The following TMEM163 variants were observed in gnomAD, a reference collection of about 807,000 sequenced individuals.
TMEM163 encodes the protein transmembrane protein 163.
Under a neutral mutation model 29.3 loss-of-function variants are expected in TMEM163, and 17 were observed. The observed-to-expected ratio is 0.58, with a 90% CI of 0.40 to 0.87. The LOEUF (loss-of-function observed/expected upper bound fraction) is 0.87. Ranked by LOEUF, TMEM163 falls within the 40% of genes least tolerant of loss-of-function variation. The probability of loss-of-function intolerance (pLI) is 0.00; values close to 1 mark genes in which losing one functional copy is unlikely to be tolerated. For synonymous variants in TMEM163, 157 were observed against 160.6 expected (o/e 0.98, Z 0.17); for missense variants, 303 against 381.5 (o/e 0.79, Z 1.71).
At chr2:134,574,512 A>G (rs1388655420) in intron 2 of TMEM163, among the ~76,000 whole-genome samples, 1 of 152,140 alleles carries the variant, frequency 6.6e-6, no homozygotes, top group Non-Finnish European at 1.5e-5. Flanking sequence ...GTGAGCCAAG[A>G]TCGCGCCACT....
intron 2 of TMEM163, among the ~76,000 whole-genome samples, chr2:134,649,438 G>T (rs1574308677): frequency 6.6e-6 from 1 of 152,290 alleles, no homozygotes; most frequent in East Asian, 1.9e-4. Flanking sequence ...AAACAATAGT[G>T]CAATGTAGCC....
rs796657193 is a variant in TMEM163, at chr2:134,535,725, T to TG, written c.458+14844_458+14845insC. 4.6e-3 allele frequency among the ~76,000 whole-genome samples: 667 copies of TG among 145,986 alleles called. 17 individuals are homozygous for TG. Among genetic ancestry groups the TG allele is most frequent in the African/African-American group, 0.017 (647 of 37,146 alleles). The stretch of plus-strand genomic sequence containing the variant: ...ATTTACTTATTTGTATGGTTTTTTT[T>TG]TTTGTTTGTTTGTTTTTTTTGAGGC... On this transcript the variant is annotated intron_variant, in intron 4 of 7. Coordinates refer to ENST00000281924, the MANE Select transcript of TMEM163 (RefSeq NM_030923.5).
At chr2:134,693,344 T>C (rs1254197077) in intron 2 of TMEM163, among the ~76,000 whole-genome samples, 2 of 152,180 alleles carry the variant, frequency 1.3e-5, no homozygotes, top group Non-Finnish European at 2.9e-5. Flanking sequence ...TGGTGGCTCA[T>C]GCCTGTAATC....
intron 2 of TMEM163, among the ~76,000 whole-genome samples, chr2:134,660,044 G>A (rs1285805707): frequency 2.6e-5 from 4 of 152,154 alleles, no homozygotes; most frequent in Non-Finnish European, 2.9e-5. Context: ...GAGGGAAGGA[G>A]CCAGCCTTGC....
intron 5 of TMEM163, among the ~76,000 whole-genome samples, chr2:134,475,485 T>A (rs766297690): frequency 6.6e-6 from 1 of 152,154 alleles, no homozygotes; most frequent in Admixed American, 6.5e-5. Flanking sequence ...TTAAGAAAAC[T>A]GTGATTAATT....
chr2:134,495,944 C>G (rs936138180), intron 5 of TMEM163, among the ~76,000 whole-genome samples: 2 of 152,208 alleles, frequency 1.3e-5, no homozygotes, highest in African/African-American at 4.8e-5. Context: ...GCCATTGCCC[C>G]CTGGAAGCTC....
At chr2:134,615,726 G>A (rs559364649) in intron 2 of TMEM163, among the ~76,000 whole-genome samples, 4 of 145,816 alleles carry the variant, frequency 2.7e-5, no homozygotes, top group South Asian at 4.3e-4. Context: ...GCGCAATCTC[G>A]GCTCACTGCA....
intron 2 of TMEM163, among the ~76,000 whole-genome samples, chr2:134,591,408 T>G (rs549818926): frequency 1.1e-4 from 17 of 152,262 alleles, no homozygotes; most frequent in African/African-American, 3.9e-4. Context: ...TGGGTGAAAT[T>G]TGGCTGGCTT....
chr2:134,706,969 T>C lies in TMEM163; in HGVS notation c.322+6231A>G, dbSNP rs1342538337. Among the ~76,000 whole-genome samples the C allele has an allele frequency of 1.3e-5, 2 of 152,114 alleles. 1 individual carries two copies. The highest frequency in any genetic ancestry group is 3.9e-4 in the East Asian group (2 of 5,186). ...GGCAGGGAGAGTTGTCGGAGCAAGG[T>C]TCCCAAACCGCTGGTCTGCCTGTTC... On this transcript the variant is annotated intron_variant, in intron 2 of 7. Coordinates refer to ENST00000281924, the MANE Select transcript of TMEM163 (RefSeq NM_030923.5).
At chr2:134,680,833 C>A (rs1416613611) in intron 2 of TMEM163, among the ~76,000 whole-genome samples, 1 of 152,136 alleles carries the variant, frequency 6.6e-6, no homozygotes, top group South Asian at 2.1e-4. Context: ...CAGCTGTGAT[C>A]GTGGGCAAGT....
At chr2:134,462,114 G>T (rs1232894835) in intron 6 of TMEM163, among the ~76,000 whole-genome samples, 2 of 152,052 alleles carry the variant, frequency 1.3e-5, no homozygotes, top group Non-Finnish European at 2.9e-5. Flanking sequence ...AGAGCACAGG[G>T]CCCCCTGGGA....
intron 2 of TMEM163, among the ~76,000 whole-genome samples, chr2:134,604,560 A>C (rs367950362): frequency 1.3e-5 from 2 of 151,030 alleles, no homozygotes; most frequent in South Asian, 2.1e-4. Context: ...AGTTCTGGAG[A>C]GAGGAGAAGA....
chr2:134,607,115 C>T (rs1682393858), intron 2 of TMEM163, among the ~76,000 whole-genome samples: 1 of 132,704 alleles, frequency 7.5e-6, no homozygotes, highest in Admixed American at 7.1e-5. Flanking sequence ...GGACAGACCC[C>T]GAGAACTGTG....
intron 6 of TMEM163, among the ~76,000 whole-genome samples, chr2:134,463,866 G>C (rs1686604601): frequency 6.6e-6 from 1 of 152,204 alleles, no homozygotes; most frequent in Non-Finnish European, 1.5e-5. Flanking sequence ...ATCAAACCCA[G>C]GACCTGACGG....
intron 4 of TMEM163, among the ~76,000 whole-genome samples, chr2:134,503,962 T>TA (rs1017235715): frequency 1.3e-5 from 2 of 152,100 alleles, no homozygotes; most frequent in Admixed American, 6.5e-5. Flanking sequence ...AGAAAAAAGA[T>TA]AAAAAATACA....
intron 2 of TMEM163, among the ~76,000 whole-genome samples, chr2:134,635,004 C>G (rs1683072807): frequency 6.6e-6 from 1 of 152,220 alleles, no homozygotes; most frequent in East Asian, 1.9e-4. Flanking sequence ...AGAAGAATCT[C>G]AAGTGTGCCA....
intron 2 of TMEM163, among the ~76,000 whole-genome samples, chr2:134,596,452 G>C (rs1279206859): frequency 5.9e-5 from 9 of 152,134 alleles, no homozygotes; most frequent in Admixed American, 5.2e-4. Flanking sequence ...TGAGGGCTCT[G>C]TTCTGTTCCA....
At chr2:134,620,387 G>A (rs1264705437) in intron 2 of TMEM163, among the ~76,000 whole-genome samples, 1 of 151,964 alleles carries the variant, frequency 6.6e-6, no homozygotes, top group African/African-American at 2.4e-5. Flanking sequence ...CTCCCAAGTA[G>A]CTGGGATTAC....
intron 2 of TMEM163, among the ~76,000 whole-genome samples, chr2:134,632,215 C>G (rs1173668588): frequency 6.6e-6 from 1 of 152,130 alleles, no homozygotes; most frequent in Non-Finnish European, 1.5e-5. Flanking sequence ...TTGCCTGGGA[C>G]TCACGGAACA....
Sources: gnomAD v4.1 joint callset for allele counts (sites outside exome capture counted in the v4.1 genomes callset) on GRCh38, gnomAD v4.1.1 for gene constraint, MANE v1.5 for transcripts, NCBI Gene and HGNC (gene_info 2026-07-23, HGNC 2026-07-21) for gene names.